Variants in PYROXD1 observed in about 807,000 individuals in gnomAD.
PYROXD1 encodes the protein tRNA ligase complex-associated NAD(P)H dehydrogenase PYROXD1.
PYROXD1 carries 42 observed loss-of-function variants against 62.0 expected under a neutral mutation model. The observed-to-expected ratio is 0.68, with a 90% CI of 0.53 to 0.88. The LOEUF is 0.88. Ranked by LOEUF, PYROXD1 falls within the 40% of genes least tolerant of loss-of-function variation. PYROXD1 has a pLI of 0.00. For missense variants in PYROXD1, 493 were observed against 604.8 expected, an observed-to-expected ratio of 0.82 and a Z score of 1.94; for synonymous variants, 170 against 206.4, an observed-to-expected ratio of 0.82 and a Z score of 1.51.
At chr12:21,438,149 C>A in intron 1 of PYROXD1, 1 of 241,110 alleles carries the variant, frequency 4.1e-6, no homozygotes, top group Non-Finnish European at 8.0e-6. Flanking sequence ...ATTTTTTTTT[C>A]TTTTTCTTTG....
chr12:21,440,081 A>T (rs1942264977), intron 1 of PYROXD1, among the ~76,000 whole-genome samples: 1 of 152,224 alleles, frequency 6.6e-6, no homozygotes, highest in Non-Finnish European at 1.5e-5. Context: ...TGGTATAAAA[A>T]ATAGTTGAAG....
At chr12:21,457,408 A>G (rs1321918501) in intron 7 of PYROXD1, among the ~76,000 whole-genome samples, 2 of 151,302 alleles carry the variant, frequency 1.3e-5, no homozygotes, top group Non-Finnish European at 2.9e-5. Context: ...TGCCTTGTCA[A>G]TGAGTGTAGT....
At chr12:21,452,192 GT>G in intron 5 of PYROXD1, 38 bp downstream of exon 5, 2 of 1,243,152 alleles carry the variant, frequency 1.6e-6, no homozygotes, top group Non-Finnish European at 2.1e-6. Context: ...CATTTAAATT[GT>G]TTAAAAATAA....
chr12:21,440,299 C>G, intron 1 of PYROXD1, 69 bp from the exon 2 acceptor site: 1 of 857,054 alleles, frequency 1.2e-6, no homozygotes, highest in Non-Finnish European at 1.9e-6. Flanking sequence ...TTATTCTCAA[C>G]CCCAAACCAT....
chr12:21,449,490 T>C, intron 3 of PYROXD1, 73 bp from the exon 4 acceptor site: 1 of 1,466,586 alleles, frequency 6.8e-7, no homozygotes, highest in Non-Finnish European at 9.2e-7. Context: ...TATTGAATTT[T>C]TAGTTTAAAG....
chr12:21,440,589 A>G, intron 2 of PYROXD1, 141 bp downstream of exon 2: 1 of 516,000 alleles, frequency 1.9e-6, no homozygotes, highest in Admixed American at 3.8e-5. Context: ...ATGTTTTGAT[A>G]CATGTATACA....
chr12:21,450,504 G>T (rs538445920), intron 4 of PYROXD1, among the ~76,000 whole-genome samples: 7 of 152,156 alleles, frequency 4.6e-5, no homozygotes, highest in African/African-American at 1.7e-4. Flanking sequence ...TCCCAATAAG[G>T]TGAAACATCT....
chr12:21,464,137 GTTT>G (rs34682004), intron 10 of PYROXD1, among the ~76,000 whole-genome samples: 59 of 146,864 alleles, frequency 4.0e-4, no homozygotes, highest in East Asian at 1.4e-3. Flanking sequence ...GAGTTTATGG[GTTT>G]TTTTTTTTTT....
chr12:21,448,332 A>G (rs1942431013), intron 3 of PYROXD1: 2 of 298,454 alleles, frequency 6.7e-6, no homozygotes, highest in South Asian at 1.5e-4. Context: ...TGTCCTTTAC[A>G]TTTTTTAGTG....
At chr12:21,443,822 G>A (rs1196045624) in intron 2 of PYROXD1, among the ~76,000 whole-genome samples, 1 of 152,068 alleles carries the variant, frequency 6.6e-6, no homozygotes, top group Non-Finnish European at 1.5e-5. Context: ...ATACCATGTT[G>A]TCCCTTTATA....
intron 11 of PYROXD1, among the ~76,000 whole-genome samples, chr12:21,468,133 G>A (rs562114886): frequency 1.3e-5 from 2 of 151,420 alleles, no homozygotes; most frequent in South Asian, 2.1e-4. Flanking sequence ...TTTAAACCAC[G>A]ACTCCACATG....
At chr12:21,440,543 A>G in intron 2 of PYROXD1, 95 bp downstream of exon 2, 1 of 701,690 alleles carries the variant, frequency 1.4e-6, no homozygotes. Context: ...TTCTTTCTTA[A>G]AAATTGACAA....
At chr12:21,444,659 T>C (rs1270962776) in intron 2 of PYROXD1, among the ~76,000 whole-genome samples, 2 of 130,872 alleles carry the variant, frequency 1.5e-5, no homozygotes, top group East Asian at 4.6e-4. Flanking sequence ...TGTAAGACTG[T>C]AAAGGGGTCA....
intron 10 of PYROXD1, 58 bp downstream of exon 10, chr12:21,462,920 G>T: frequency 6.5e-7 from 1 of 1,530,806 alleles, no homozygotes; most frequent in Non-Finnish European, 8.8e-7. Flanking sequence ...AAAATAAAGC[G>T]GTTGTTACCA....
chr12:21,461,991 G>GT lies in PYROXD1; in HGVS notation c.881-8dup, dbSNP rs566366307. 6,111 of 1,357,934 alleles carry GT rather than the reference G, an allele frequency of 4.5e-3. No homozygotes were observed. Among genetic ancestry groups the GT allele is most frequent in the South Asian group, 6.0e-3 (466 of 77,876 alleles). The allele number at this position is 1,357,934 out of a possible 1,614,324, so 84.1% of individuals were successfully genotyped here. On this transcript the variant is annotated splice_polypyrimidine_tract_variant and intron_variant, in intron 8 of 11. Coordinates refer to ENST00000240651, the MANE Select transcript of PYROXD1 (RefSeq NM_024854.5). ...TTTACAAATAAAGTCTGTTTTTTTG[G>GT]TTTTTTTTTCTTAAAGAGATGTGGC... is the stretch of plus-strand genomic sequence containing the variant.
chr12:21,470,175 A>C lies in PYROXD1; in HGVS notation c.*1421A>C, dbSNP rs372038613. On this transcript the variant is annotated 3_prime_UTR_variant, in exon 12 of 12. Transcript: ENST00000240651. ...CATGCATAAACCATCTTTAATTAGA[A>C]AATTTAGTAACATTCATATCAGGCA... 519 of 1,609,556 alleles carry C rather than the reference A, an allele frequency of 3.2e-4. No homozygotes were observed. In the African/African-American group the frequency reaches 6.0e-3, roughly 18 times the overall value.
Position 21,468,602 on chromosome 12 carries a change from A to C in PYROXD1, c.1351A>C (p.Met451Leu), listed in dbSNP as rs1213108446. 8 of 1,613,172 alleles carry C rather than the reference A, an allele frequency of 5.0e-6. No homozygotes were observed. In the Admixed American group the frequency reaches 1.3e-4, roughly 27 times the overall value. The change falls in exon 12 of 12, where the codon ATG (methionine) becomes CTG (leucine). Residue 451 changes from methionine to leucine, a missense_variant. By Grantham distance (15) the Met-to-Leu change is conservative (BLOSUM62 2). Around this residue, in one of 2 missense-constraint regions of PYROXD1, gnomAD observed 329 missense variants for 446.6 expected, o/e 0.74. Transcript: ENST00000240651. ...TKGREYIKVV[M>L]QNGRMMGAVL... ...AGGACGAGAATACATCAAAGTCGTCATGCAAAATGGACGAATGATGGGAGC... is the reference window on the plus strand; with the variant it reads ...AGGACGAGAATACATCAAAGTCGTCCTGCAAAATGGACGAATGATGGGAGC...
intron 1 of PYROXD1, 63 bp downstream of exon 1, chr12:21,437,877 C>A: frequency 7.1e-7 from 1 of 1,407,900 alleles, no homozygotes; most frequent in South Asian, 1.2e-5. Flanking sequence ...GCACTGGAGG[C>A]CTTCCTCCCA....
intron 10 of PYROXD1, among the ~76,000 whole-genome samples, chr12:21,466,469 C>G (rs1292604982): frequency 2.0e-5 from 3 of 151,974 alleles, no homozygotes; most frequent in Non-Finnish European, 2.9e-5. Context: ...CTCTGTTTGT[C>G]TGTTGTTGGT....
Sources: gnomAD v4.1 joint callset for allele counts (sites outside exome capture counted in the v4.1 genomes callset) on GRCh38, gnomAD v4.1.1 for gene constraint, gnomAD v4.1.1 regional missense constraint, MANE v1.5 for transcripts, NCBI Gene and HGNC (gene_info 2026-07-23, HGNC 2026-07-21) for gene names.